PTBP3: variants seen among roughly 807,000 people sequenced by gnomAD.
PTBP3 encodes polypyrimidine tract-binding protein 3.
A neutral mutation model predicts 58.7 loss-of-function variants in PTBP3; 20 were observed. That is an observed-to-expected ratio of 0.34 (90% CI 0.24 to 0.50). The LOEUF is 0.50. PTBP3 is among the 20% of genes least tolerant of loss of function. The pLI is 0.98. For missense variants in PTBP3, 509 were observed against 637.2 expected (o/e 0.80, Z 2.17); for synonymous variants, 185 against 219.8 (o/e 0.84, Z 1.40).
At chr9:112,344,918 A>C in the PTBP3 span, among the ~76,000 whole-genome samples, 1 of 152,044 alleles carries the variant, frequency 6.6e-6, no homozygotes, top group African/African-American at 2.4e-5. Flanking sequence ...GGATCACCTG[A>C]GGTCGGGAGT....
chr9:112,249,792 TGAG>T (rs774682068), intron 7 of PTBP3, among the ~76,000 whole-genome samples: 11 of 150,426 alleles, frequency 7.3e-5, no homozygotes, highest in Non-Finnish European at 1.0e-4. Flanking sequence ...ATTTGATAGC[TGAG>T]TTTTGGCAAA....
chr9:112,296,542 T>C (rs762975940), intron 2 of PTBP3, among the ~76,000 whole-genome samples: 19 of 151,952 alleles, frequency 1.3e-4, no homozygotes, highest in Non-Finnish European at 2.4e-4. Context: ...CATCCCCACC[T>C]CCCTACAACT....
intron 1 of PTBP3, among the ~76,000 whole-genome samples, chr9:112,327,285 G>C (rs556924229): frequency 2.7e-3 from 405 of 152,074 alleles, no homozygotes; most frequent in Non-Finnish European, 4.7e-3. Flanking sequence ...CATGAAGAAG[G>C]CCGGGCACAG....
chr9:112,318,335 T>C (rs1829789565), intron 1 of PTBP3, among the ~76,000 whole-genome samples: 1 of 152,078 alleles, frequency 6.6e-6, no homozygotes, highest in African/African-American at 2.4e-5. Flanking sequence ...AAACACAAGA[T>C]CAATATGCAA....
rs371111816 is a variant in PTBP3, at chr9:112,227,411, G to T, written c.1364C>A (p.Pro455His). Reference sequence around the variant, plus strand: ...GATTAATAACTTATTAGGTACATACGGAATGTTGGAAAGATGCAGAGTGGC... The same window carrying T: ...GATTAATAACTTATTAGGTACATACTGAATGTTGGAAAGATGCAGAGTGGC... ...PSATLHLSNIPPSVTVDDLKN... is the reference protein window; with the variant it reads ...PSATLHLSNIHPSVTVDDLKN... Residue 455 changes from proline to histidine, a missense_variant and splice_region_variant, in exon 12 of 14, where the codon CCC (proline) becomes CAC (histidine). This residue lies in a region of PTBP3 where 135 missense variants were observed against 229.0 expected (regional missense o/e 0.59). Coordinates refer to ENST00000374257, the MANE Select transcript of PTBP3 (RefSeq NM_001163788.4). The T allele has an allele frequency of 1.9e-6, 3 of 1,612,070 alleles. No individual in the cohort carries two copies. Among genetic ancestry groups the T allele is most frequent in the Admixed American group, 1.7e-5 (1 of 59,992 alleles).
At chr9:112,350,905 T>G in the PTBP3 span, among the ~76,000 whole-genome samples, 1 of 152,116 alleles carries the variant, frequency 6.6e-6, no homozygotes, top group African/African-American at 2.4e-5. Context: ...TTCAAGTGAT[T>G]CTCCTGCCCC....
the PTBP3 span, among the ~76,000 whole-genome samples, chr9:112,353,941 G>A: frequency 6.6e-6 from 1 of 151,984 alleles, no homozygotes; most frequent in African/African-American, 2.4e-5. Context: ...CTGGGTGACA[G>A]AACAAGACTC....
intron 1 of PTBP3, among the ~76,000 whole-genome samples, chr9:112,326,964 T>A (rs1435481456): frequency 6.6e-6 from 1 of 152,198 alleles, no homozygotes; most frequent in Non-Finnish European, 1.5e-5. Context: ...ACACCTGTAA[T>A]CCTAGCACTT....
the PTBP3 span, among the ~76,000 whole-genome samples, chr9:112,343,824 C>T: frequency 6.6e-6 from 1 of 151,926 alleles, no homozygotes; most frequent in Non-Finnish European, 1.5e-5. Flanking sequence ...CTTACATGCC[C>T]TCATTTTTCA....
Position 112,223,862 on chromosome 9 carries a change from A to AT in PTBP3, c.1563dup (p.Ser522IlefsTer8). 6.2e-7 allele frequency: 1 copy of AT among 1,613,498 alleles called. No individual in the cohort carries two copies. On this transcript the variant is annotated frameshift_variant, in exon 14 of 14. Coordinates refer to ENST00000374257, the MANE Select transcript of PTBP3 (RefSeq NM_001163788.4). LOFTEE classifies it high-confidence loss of function. ...AATTCACAGAAAAGTCAGATTGTAGATTTTGAGAAGGAAACTCTGAGGTGG... is the reference window on the plus strand; with the variant it reads ...AATTCACAGAAAAGTCAGATTGTAGATTTTTGAGAAGGAAACTCTGAGGTGG...
At chr9:112,289,738 C>T (rs552689591) in intron 2 of PTBP3, among the ~76,000 whole-genome samples, 5 of 151,348 alleles carry the variant, frequency 3.3e-5, no homozygotes, top group South Asian at 2.1e-4. Context: ...GCTGTGATTA[C>T]GTGATTATGT....
intron 10 of PTBP3, 61 bp downstream of exon 10, chr9:112,231,319 A>C: frequency 7.2e-7 from 1 of 1,382,304 alleles, no homozygotes; most frequent in South Asian, 1.3e-5. Context: ...TATTACTAAA[A>C]AAGTGAAATG....
At chr9:112,258,978 G>A (rs1836483156) in intron 5 of PTBP3, among the ~76,000 whole-genome samples, 1 of 152,126 alleles carries the variant, frequency 6.6e-6, no homozygotes, top group South Asian at 2.1e-4. Flanking sequence ...GGGAGGCAGG[G>A]TTTCACTCTG....
At chr9:112,330,542 A>G (rs1830327879) in intron 1 of PTBP3, 2 of 1,069,846 alleles carry the variant, frequency 1.9e-6, no homozygotes, top group Admixed American at 2.4e-5. Context: ...AAAGACAGAG[A>G]TAGTAAGAAT....
chr9:112,302,323 G>A (rs941927615), intron 1 of PTBP3, among the ~76,000 whole-genome samples: 2 of 151,994 alleles, frequency 1.3e-5, no homozygotes, highest in African/African-American at 2.4e-5. Context: ...AAAAGAATAC[G>A]GCAGTATCTT....
intron 1 of PTBP3, among the ~76,000 whole-genome samples, chr9:112,316,423 G>A (rs147855314): frequency 2.0e-4 from 31 of 152,198 alleles, no homozygotes; most frequent in African/African-American, 7.2e-4. Flanking sequence ...TTCCAGTAAG[G>A]CCTTTAGCTC....
At chr9:112,225,619 G>T (rs1834956722) in intron 12 of PTBP3, among the ~76,000 whole-genome samples, 1 of 152,140 alleles carries the variant, frequency 6.6e-6, no homozygotes, top group Admixed American at 6.5e-5. Context: ...GGTTGTTGTG[G>T]AGATTAAATG....
At chr9:112,357,385 C>G in the PTBP3 span, among the ~76,000 whole-genome samples, 1 of 152,106 alleles carries the variant, frequency 6.6e-6, no homozygotes, top group Non-Finnish European at 1.5e-5. Flanking sequence ...GGGTCTTGCT[C>G]TGTCATCCAG....
chr9:112,282,955 C>G (rs1365920775), intron 2 of PTBP3, among the ~76,000 whole-genome samples: 3 of 152,140 alleles, frequency 2.0e-5, no homozygotes, highest in Non-Finnish European at 2.9e-5. Context: ...GGAGTTCTCG[C>G]AAGATCTGAT....
Sources: gnomAD v4.1 joint callset for allele counts (sites outside exome capture counted in the v4.1 genomes callset) on GRCh38, gnomAD v4.1.1 for gene constraint, gnomAD v4.1.1 regional missense constraint, MANE v1.5 for transcripts, NCBI Gene and HGNC (gene_info 2026-07-23, HGNC 2026-07-21) for gene names.